Variants in ZRANB3 observed in about 807,000 individuals in gnomAD.
The protein encoded by ZRANB3 is DNA annealing helicase and endonuclease ZRANB3.
ZRANB3 carries 125 observed loss-of-function variants against 133.8 expected under a neutral mutation model. The ratio of observed to expected loss-of-function variants is 0.93; its 90% CI spans 0.81 to 1.08. ZRANB3 has a LOEUF of 1.08. ZRANB3 is among the 50% of genes least tolerant of loss of function. The pLI is 0.00. For missense variants in ZRANB3, 1,229 were observed against 1,275.5 expected (o/e 0.96, Z 0.56); for synonymous variants, 387 against 432.7 (o/e 0.89, Z 1.31).
At chr2:135,408,370 G>A (rs1231745379) in intron 2 of ZRANB3, among the ~76,000 whole-genome samples, 1 of 152,172 alleles carries the variant, frequency 6.6e-6, no homozygotes, top group Non-Finnish European at 1.5e-5. Flanking sequence ...CTTTTACACT[G>A]TTGGTGGGAC....
At chr2:135,444,171 G>A (rs993380700) in intron 2 of ZRANB3, among the ~76,000 whole-genome samples, 1 of 151,946 alleles carries the variant, frequency 6.6e-6, no homozygotes, top group Non-Finnish European at 1.5e-5. Flanking sequence ...TTGCCATAGG[G>A]AATGTAAAAT....
At chr2:135,376,413 T>C (rs1686431345) in intron 3 of ZRANB3, among the ~76,000 whole-genome samples, 1 of 152,204 alleles carries the variant, frequency 6.6e-6, no homozygotes, top group African/African-American at 2.4e-5. Context: ...AGCAGCTTTA[T>C]TGTCAAAAAC....
intron 6 of ZRANB3, among the ~76,000 whole-genome samples, chr2:135,328,763 T>C (rs1276782240): frequency 6.6e-6 from 1 of 152,226 alleles, no homozygotes; most frequent in East Asian, 1.9e-4. Context: ...TTCTAACTGG[T>C]GTGAGATGGT....
At chr2:135,407,553 C>T (rs57143794) in intron 2 of ZRANB3, among the ~76,000 whole-genome samples, 6,042 of 140,058 alleles carry the variant, frequency 0.043, 523 homozygotes, top group African/African-American at 0.19. Context: ...GGAGGCATCA[C>T]ACTACCTGAC....
At chr2:135,301,839 T>C (rs1340164575) in intron 8 of ZRANB3, among the ~76,000 whole-genome samples, 2 of 152,224 alleles carry the variant, frequency 1.3e-5, no homozygotes, top group Non-Finnish European at 2.9e-5. Flanking sequence ...ATTTATTTCA[T>C]GGTCTTCCCC....
At chr2:135,353,402 A>G in intron 4 of ZRANB3, 48 bp downstream of exon 4, 1 of 1,352,406 alleles carries the variant, frequency 7.4e-7, no homozygotes, top group Non-Finnish European at 9.9e-7. Flanking sequence ...TATACCAGGT[A>G]CACACAAGGA....
At chr2:135,436,838 G>C (rs1689558059) in intron 2 of ZRANB3, among the ~76,000 whole-genome samples, 1 of 152,116 alleles carries the variant, frequency 6.6e-6, no homozygotes, top group African/African-American at 2.4e-5. Context: ...TAAGGCTGGA[G>C]GTATCACATT....
intron 1 of ZRANB3, among the ~76,000 whole-genome samples, chr2:135,508,696 TG>T (rs1429597624): frequency 6.6e-6 from 1 of 152,144 alleles, no homozygotes; most frequent in Non-Finnish European, 1.5e-5. Flanking sequence ...TGAATGTTTT[TG>T]TTAATCCTAA....
chr2:135,275,922 ATG>A (rs1680797860), intron 8 of ZRANB3, among the ~76,000 whole-genome samples, 167 bp from the exon 9 acceptor site: 3 of 152,190 alleles, frequency 2.0e-5, no homozygotes, highest in Admixed American at 6.5e-5. Context: ...TATAAGGAAA[ATG>A]TAAAAGAAGA....
chr2:135,228,822 A>T (rs889496341), intron 13 of ZRANB3, among the ~76,000 whole-genome samples: 1 of 152,100 alleles, frequency 6.6e-6, no homozygotes, highest in Non-Finnish European at 1.5e-5. Context: ...TGTTACTTAG[A>T]CTATGTATTT....
chr2:135,495,195 T>C (rs971597498), intron 2 of ZRANB3, among the ~76,000 whole-genome samples: 2 of 152,084 alleles, frequency 1.3e-5, no homozygotes, highest in African/African-American at 4.8e-5. Context: ...GCCATTGCAC[T>C]CCAGCCTACG....
intron 15 of ZRANB3, among the ~76,000 whole-genome samples, chr2:135,220,718 A>AT (rs985171548): frequency 6.6e-6 from 1 of 150,388 alleles, no homozygotes; most frequent in African/African-American, 2.5e-5. Context: ...AAAAAAAAAA[A>AT]TTGATATGTA....
At chr2:135,242,569 C>T (rs1050852068) in intron 12 of ZRANB3, among the ~76,000 whole-genome samples, 12 of 152,008 alleles carry the variant, frequency 7.9e-5, no homozygotes, top group African/African-American at 2.9e-4. Context: ...GACCTACAGG[C>T]ACACCACTGC....
At chr2:135,424,810 C>T (rs893431488) in intron 2 of ZRANB3, among the ~76,000 whole-genome samples, 1 of 152,146 alleles carries the variant, frequency 6.6e-6, no homozygotes, top group Middle Eastern at 3.2e-3. Context: ...AACCAGTGCC[C>T]AGCACAAAGT....
At chr2:135,449,491 G>C (rs1219985997) in intron 2 of ZRANB3, among the ~76,000 whole-genome samples, 2 of 152,018 alleles carry the variant, frequency 1.3e-5, no homozygotes, top group Non-Finnish European at 2.9e-5. Flanking sequence ...GTGGTGGTGG[G>C]CACCTGTAAT....
intron 2 of ZRANB3, among the ~76,000 whole-genome samples, chr2:135,391,450 A>G (rs1687227016): frequency 1.3e-5 from 2 of 152,224 alleles, no homozygotes; most frequent in African/African-American, 4.8e-5. Context: ...AAACCTTAAG[A>G]TTGGTCTTCC....
At chr2:135,504,608 T>C (rs1198695169) in intron 1 of ZRANB3, 112 bp from the exon 2 acceptor site, 1 of 953,694 alleles carries the variant, frequency 1.0e-6, no homozygotes, top group South Asian at 2.0e-5. Flanking sequence ...AGCTTTGACA[T>C]ACCATTTATA....
intron 8 of ZRANB3, among the ~76,000 whole-genome samples, chr2:135,283,600 AGCG>A (rs1681200795): frequency 6.7e-6 from 1 of 149,518 alleles, no homozygotes; most frequent in African/African-American, 2.5e-5. Context: ...CTGGTGACAG[AGCG>A]AGACTCTGTC....
chr2:135,303,076 A>T (rs1682515640), intron 8 of ZRANB3, among the ~76,000 whole-genome samples: 1 of 152,234 alleles, frequency 6.6e-6, no homozygotes, highest in African/African-American at 2.4e-5. Flanking sequence ...CTAACAAAAA[A>T]TTATGATCAA....
Sources: allele counts gnomAD v4.1 joint callset (sites outside exome capture counted in the v4.1 genomes callset), GRCh38; gene constraint gnomAD v4.1.1; transcripts MANE v1.5; gene names NCBI Gene and HGNC (gene_info 2026-07-23, HGNC 2026-07-21).